The following NPAS3 variants were observed in gnomAD, a reference collection of about 807,000 sequenced individuals.
The protein encoded by NPAS3 is neuronal PAS domain protein 3.
In NPAS3, 14 loss-of-function variants were observed where a neutral mutation model predicts 73.1. The ratio of observed to expected loss-of-function variants is 0.19; its 90% confidence interval spans 0.13 to 0.30. The LOEUF (loss-of-function observed/expected upper bound fraction) is 0.30, where lower values mean the gene tolerates loss of function less well. NPAS3 is among the 10% of genes least tolerant of loss of function. The pLI, the probability that NPAS3 is intolerant of heterozygous loss-of-function variation, is 1.00. For synonymous variants in NPAS3, 620 were observed against 541.5 expected, an observed-to-expected ratio of 1.14 and a Z score of -2.01; for missense variants, 1,096 against 1,250.0, an observed-to-expected ratio of 0.88 and a Z score of 1.86.
chr14:33,532,581 G>C (rs1477467699), intron 4 of NPAS3, among the ~76,000 whole-genome samples: 1 of 152,034 alleles, frequency 6.6e-6, no homozygotes, highest in East Asian at 1.9e-4. Flanking sequence ...CCTAGGATTT[G>C]AACCCAGACC....
At chr14:33,136,654 A>G (rs1293925452) in intron 2 of NPAS3, among the ~76,000 whole-genome samples, 1 of 152,222 alleles carries the variant, frequency 6.6e-6, no homozygotes, top group Non-Finnish European at 1.5e-5. Flanking sequence ...CTTATTTCAA[A>G]GTCTGTGCCT....
chr14:33,016,995 G>A (rs2039419982), intron 1 of NPAS3, among the ~76,000 whole-genome samples: 1 of 152,114 alleles, frequency 6.6e-6, no homozygotes, highest in Non-Finnish European at 1.5e-5. Flanking sequence ...ATTAGAAAGG[G>A]CAGCACAAGC....
At chr14:33,623,836 C>G (rs568171471) in intron 5 of NPAS3, among the ~76,000 whole-genome samples, 78 of 152,260 alleles carry the variant, frequency 5.1e-4, no homozygotes, top group African/African-American at 1.8e-3. Flanking sequence ...TGATTTTGTT[C>G]TTTACTTGAC....
At position 33,303,898 on chromosome 14, in the gene NPAS3, G is replaced by C. The variant is rs569923251; in HGVS notation, c.386-63288G>C. On this transcript the variant is annotated intron_variant, in intron 3 of 11. Coordinates refer to ENST00000356141, the Ensembl canonical transcript of NPAS3. ...CAGAAACATAGAAACTCACTACCAAGCTTTGTTTTTGTTTTTGTTTTTGTT... is the reference window on the plus strand; with the variant it reads ...CAGAAACATAGAAACTCACTACCAACCTTTGTTTTTGTTTTTGTTTTTGTT... Among the ~76,000 whole-genome samples the C allele has an allele frequency of 1.1e-3, 167 of 148,626 alleles. 1 individual carries two copies. Among genetic ancestry groups the C allele is most frequent in the Non-Finnish European group, 1.8e-3 (125 of 67,948 alleles).
At chr14:32,999,408 G>C (rs918209142) in intron 1 of NPAS3, among the ~76,000 whole-genome samples, 2 of 152,020 alleles carry the variant, frequency 1.3e-5, no homozygotes, top group Non-Finnish European at 2.9e-5. Flanking sequence ...CTACTCGGGA[G>C]GCTGAGGCAG....
rs35968798 is a variant in NPAS3, at chr14:33,235,805, C to CTTTTTTTTTTTTT, written c.385+20391_385+20403dup. Among the ~76,000 whole-genome samples the CTTTTTTTTTTTTT allele has an allele frequency of 1.7e-4, 14 of 80,632 alleles. 3 individuals carry two copies. Among genetic ancestry groups the CTTTTTTTTTTTTT allele is most frequent in the African/African-American group, 7.0e-4 (14 of 19,954 alleles). 52.9% of individuals were successfully genotyped at this position (80,632 alleles called of 152,430 possible). ...GACTAAAAGTTCTGTTGATACAATTCTTTTTTTTTTTTTTTTTTTTTTTTG... is the reference window on the plus strand; with the variant it reads ...GACTAAAAGTTCTGTTGATACAATTCTTTTTTTTTTTTTTTTTTTTTTTTTTTTTTTTTTTTTG... On this transcript the variant is annotated intron_variant, in intron 3 of 11. Coordinates refer to ENST00000356141, the Ensembl canonical transcript of NPAS3.
chr14:33,312,718 C>G (rs372006479), intron 3 of NPAS3, among the ~76,000 whole-genome samples: 8 of 152,100 alleles, frequency 5.3e-5, no homozygotes, highest in Non-Finnish European at 1.0e-4. Flanking sequence ...AAGCTCTGTA[C>G]TTGAATGTAC....
At position 33,451,002 on chromosome 14, in the gene NPAS3, G is replaced by A. The variant is rs1321520368; in HGVS notation, c.468+83734G>A. On this transcript the variant is annotated intron_variant, in intron 4 of 11. Coordinates refer to ENST00000356141, the Ensembl canonical transcript of NPAS3. ...GGTATTAGATCGTTTCCTAACAAACGCTGAAAATGGCTACAACCTTAAGTT... is the reference window on the plus strand; with the variant it reads ...GGTATTAGATCGTTTCCTAACAAACACTGAAAATGGCTACAACCTTAAGTT... Among the ~76,000 whole-genome samples, 10 of 152,124 alleles carry A rather than the reference G, an allele frequency of 6.6e-5. No homozygotes were observed. The South Asian group carries it at 1.5e-3, about 22-fold the overall frequency.
intron 6 of NPAS3, among the ~76,000 whole-genome samples, chr14:33,712,345 A>G (rs1187707828): frequency 6.6e-6 from 1 of 152,108 alleles, no homozygotes; most frequent in Non-Finnish European, 1.5e-5. Context: ...AATAACACAC[A>G]CGCATTCAAG....
At chr14:33,039,341 A>T (rs999906972) in intron 1 of NPAS3, among the ~76,000 whole-genome samples, 1 of 152,060 alleles carries the variant, frequency 6.6e-6, no homozygotes, top group Non-Finnish European at 1.5e-5. Context: ...CATTATATTC[A>T]CTCTGCTACA....
intron 4 of NPAS3, among the ~76,000 whole-genome samples, chr14:33,394,643 A>G (rs866349180): frequency 1.3e-5 from 2 of 152,178 alleles, no homozygotes; most frequent in South Asian, 2.1e-4. Context: ...ATCTACATGT[A>G]TCATTTTTCC....
intron 2 of NPAS3, among the ~76,000 whole-genome samples, chr14:33,091,170 A>C (rs1265989111): frequency 6.6e-6 from 1 of 152,192 alleles, no homozygotes; most frequent in East Asian, 1.9e-4. Flanking sequence ...AGAGACACAA[A>C]AAACTATTCA....
At chr14:33,160,667 G>T (rs2044839169) in intron 2 of NPAS3, among the ~76,000 whole-genome samples, 2 of 150,994 alleles carry the variant, frequency 1.3e-5, no homozygotes, top group Non-Finnish European at 1.5e-5. Flanking sequence ...AAAGTCTGTG[G>T]TTCTGTCCAT....
chr14:33,736,419 C>T (rs1383382587), intron 7 of NPAS3, among the ~76,000 whole-genome samples: 1 of 152,170 alleles, frequency 6.6e-6, no homozygotes, highest in Non-Finnish European at 1.5e-5. Context: ...CAAGTGGAGC[C>T]TCCTTAACCT....
intron 2 of NPAS3, among the ~76,000 whole-genome samples, chr14:33,114,465 T>A (rs1393329050): frequency 6.6e-6 from 1 of 152,194 alleles, no homozygotes; most frequent in African/African-American, 2.4e-5. Context: ...GCTGAGAATC[T>A]GTGAGACACT....
chr14:33,431,205 T>G (rs2048769979), intron 4 of NPAS3, among the ~76,000 whole-genome samples: 1 of 152,194 alleles, frequency 6.6e-6, no homozygotes, highest in African/African-American at 2.4e-5. Context: ...ATTTTTGATT[T>G]GTTACTATAC....
intron 1 of NPAS3, among the ~76,000 whole-genome samples, chr14:33,050,951 A>G (rs1283183952): frequency 1.3e-5 from 2 of 152,080 alleles, no homozygotes; most frequent in African/African-American, 4.8e-5. Context: ...TATTGTTCCC[A>G]TTTTTCACAT....
chr14:33,623,741 T>C (rs534827390), intron 5 of NPAS3, among the ~76,000 whole-genome samples: 1 of 152,318 alleles, frequency 6.6e-6, no homozygotes, highest in East Asian at 1.9e-4. Flanking sequence ...TTATCTCCTA[T>C]TATTTCGTTG....
intron 4 of NPAS3, among the ~76,000 whole-genome samples, chr14:33,369,264 G>A (rs952652567): frequency 1.3e-5 from 2 of 151,956 alleles, no homozygotes; most frequent in East Asian, 1.9e-4. Context: ...ATGCCATTTG[G>A]AGTAGAATAA....
Sources: gnomAD v4.1 joint callset for allele counts (sites outside exome capture counted in the v4.1 genomes callset) on GRCh38, gnomAD v4.1.1 for gene constraint, MANE v1.5 for transcripts, NCBI Gene and HGNC (gene_info 2026-07-23, HGNC 2026-07-21) for gene names.